Variants in CFAP299 observed in about 807,000 individuals in gnomAD.
The protein encoded by CFAP299 is cilia and flagella associated protein 299.
In CFAP299, 21 loss-of-function variants were observed where a neutral mutation model predicts 27.0. That is an observed-to-expected ratio of 0.78 (90% CI 0.55 to 1.12). The LOEUF (loss-of-function observed/expected upper bound fraction) is 1.12, where lower values mean the gene tolerates loss of function less well. Ranked by LOEUF, CFAP299 falls within the 50% of genes most tolerant of loss-of-function variation. The pLI, the probability that CFAP299 is intolerant of heterozygous loss-of-function variation, is 0.00. For synonymous variants in CFAP299, 104 were observed against 98.1 expected (o/e 1.06, Z -0.36); for missense variants, 310 against 276.6 (o/e 1.12, Z -0.86).
chr4:80,718,569 A>G (rs1227474234), intron 3 of CFAP299, among the ~76,000 whole-genome samples: 1 of 152,092 alleles, frequency 6.6e-6, no homozygotes, highest in Non-Finnish European at 1.5e-5. Context: ...AAATATAAAA[A>G]TAAAACCTAA....
At chr4:80,825,246 A>G (rs1281269022) in intron 3 of CFAP299, among the ~76,000 whole-genome samples, 3 of 151,974 alleles carry the variant, frequency 2.0e-5, no homozygotes, top group African/African-American at 7.2e-5. Flanking sequence ...AATGATTGAA[A>G]AAAGGTAAAC....
chr4:80,921,896 A>T (rs1484616808), intron 4 of CFAP299, among the ~76,000 whole-genome samples: 5 of 150,376 alleles, frequency 3.3e-5, no homozygotes, highest in Admixed American at 6.6e-5. Context: ...ATATGATGAG[A>T]GGAAAGAGTC....
At chr4:80,514,805 A>G (rs1243562527) in intron 2 of CFAP299, among the ~76,000 whole-genome samples, 1 of 152,110 alleles carries the variant, frequency 6.6e-6, no homozygotes, top group African/African-American at 2.4e-5. Context: ...AAGCATGGCC[A>G]CTTCAATGTT....
chr4:80,462,325 C>T (rs1246553349), intron 2 of CFAP299, among the ~76,000 whole-genome samples: 1 of 152,158 alleles, frequency 6.6e-6, no homozygotes, highest in East Asian at 1.9e-4. Flanking sequence ...ATCTTCCTTT[C>T]ATGAGCAACC....
At chr4:80,566,717 C>T (rs1380130775) in intron 2 of CFAP299, among the ~76,000 whole-genome samples, 1 of 151,952 alleles carries the variant, frequency 6.6e-6, no homozygotes, top group Non-Finnish European at 1.5e-5. Context: ...CATTGGCTTT[C>T]CTTGTGTAAA....
intron 2 of CFAP299, among the ~76,000 whole-genome samples, chr4:80,433,527 A>C (rs1461319033): frequency 1.3e-5 from 2 of 152,224 alleles, no homozygotes; most frequent in African/African-American, 4.8e-5. Flanking sequence ...AAATAAAAGC[A>C]CAGATGGCTT....
chr4:80,478,770 T>C (rs1384995544), intron 2 of CFAP299, among the ~76,000 whole-genome samples: 1 of 151,828 alleles, frequency 6.6e-6, no homozygotes, highest in Non-Finnish European at 1.5e-5. Flanking sequence ...AAGACATTGT[T>C]ATAGTGGAGT....
intron 3 of CFAP299, among the ~76,000 whole-genome samples, chr4:80,855,178 A>T (rs148996395): frequency 1.3e-5 from 2 of 152,224 alleles, no homozygotes; most frequent in East Asian, 3.9e-4. Flanking sequence ...TTTAGAAAAT[A>T]TAAACAAAAT....
intron 2 of CFAP299, among the ~76,000 whole-genome samples, chr4:80,512,795 A>G (rs368150702): frequency 6.6e-6 from 1 of 152,090 alleles, no homozygotes; most frequent in Admixed American, 6.6e-5. Flanking sequence ...TGCAAGATTA[A>G]CTTCAATTAT....
At chr4:80,921,170 G>A (rs1736026305) in intron 4 of CFAP299, among the ~76,000 whole-genome samples, 1 of 151,944 alleles carries the variant, frequency 6.6e-6, no homozygotes, top group Non-Finnish European at 1.5e-5. Context: ...TTTCAAAATT[G>A]ATATCATGAT....
At position 80,790,836 on chromosome 4, in the gene CFAP299, G is replaced by C. The variant is rs375115909; in HGVS notation, c.334-79157G>C. 7.4e-4 allele frequency among the ~76,000 whole-genome samples: 113 copies of C among 152,116 alleles called. 4 individuals carry two copies. In the South Asian group the frequency reaches 0.023, roughly 30 times the overall value. ...TAAATTTACCATGACTATTACATGT[G>C]AACAAAGAACATTCATTTAATAATT... is the stretch of plus-strand genomic sequence containing the variant. On this transcript the variant is annotated intron_variant, in intron 3 of 5. Coordinates refer to ENST00000358105, the MANE Select transcript of CFAP299 (RefSeq NM_152770.3).
chr4:80,673,612 G>T (rs183265090), intron 3 of CFAP299, among the ~76,000 whole-genome samples: 1 of 152,182 alleles, frequency 6.6e-6, no homozygotes, highest in African/African-American at 2.4e-5. Flanking sequence ...ATTGACAGTG[G>T]GGTGTTAAAG....
intron 3 of CFAP299, among the ~76,000 whole-genome samples, chr4:80,756,636 A>G (rs1725254237): frequency 6.6e-6 from 1 of 152,212 alleles, no homozygotes; most frequent in Admixed American, 6.5e-5. Flanking sequence ...ATGTCCATAC[A>G]TAAAGTAGAA....
chr4:80,718,570 T>C (rs1722623548), intron 3 of CFAP299, among the ~76,000 whole-genome samples: 1 of 151,870 alleles, frequency 6.6e-6, no homozygotes, highest in Admixed American at 6.6e-5. Context: ...AATATAAAAA[T>C]AAAACCTAAA....
At chr4:80,719,868 A>G (rs1188528630) in intron 3 of CFAP299, among the ~76,000 whole-genome samples, 1 of 152,186 alleles carries the variant, frequency 6.6e-6, no homozygotes, top group Non-Finnish European at 1.5e-5. Flanking sequence ...TCTGTATTTA[A>G]GCCCCTAATA....
chr4:80,950,754 G>A (rs962501493), intron 5 of CFAP299, among the ~76,000 whole-genome samples: 4 of 152,092 alleles, frequency 2.6e-5, no homozygotes, highest in Admixed American at 2.0e-4. Flanking sequence ...ATCCCAAGAA[G>A]GCTGGATAAC....
intron 4 of CFAP299, among the ~76,000 whole-genome samples, chr4:80,894,790 G>GTC (rs1418850684): frequency 6.6e-6 from 1 of 151,264 alleles, no homozygotes; most frequent in Non-Finnish European, 1.5e-5. Context: ...GTGTGTGAGT[G>GTC]TGTGTGTGAG....
At chr4:80,396,457 T>A (rs941219274) in intron 2 of CFAP299, among the ~76,000 whole-genome samples, 3 of 152,186 alleles carry the variant, frequency 2.0e-5, no homozygotes, top group Non-Finnish European at 4.4e-5. Flanking sequence ...TTTCAGTTAC[T>A]GAGTTCTAAA....
intron 3 of CFAP299, among the ~76,000 whole-genome samples, chr4:80,789,788 T>C (rs1261259533): frequency 6.6e-6 from 1 of 152,042 alleles, no homozygotes; most frequent in East Asian, 1.9e-4. Context: ...TAATGCCTTC[T>C]CATCAAGCAT....
Sources: allele counts gnomAD v4.1 joint callset (sites outside exome capture counted in the v4.1 genomes callset), GRCh38; gene constraint gnomAD v4.1.1; transcripts MANE v1.5; gene names NCBI Gene and HGNC (gene_info 2026-07-23, HGNC 2026-07-21).